AGPS: variants seen among roughly 807,000 people sequenced by gnomAD.
AGPS encodes alkyldihydroxyacetonephosphate synthase, peroxisomal.
A neutral mutation model predicts 90.7 loss-of-function variants in AGPS; 26 were observed. The ratio of observed to expected loss-of-function variants is 0.29; its 90% CI spans 0.21 to 0.40. The LOEUF (loss-of-function observed/expected upper bound fraction) is 0.40, where lower values mean the gene tolerates loss of function less well. Ranked by LOEUF, AGPS falls within the 10% of genes least tolerant of loss-of-function variation. The probability of loss-of-function intolerance (pLI) is 1.00; values close to 1 mark genes in which losing one functional copy is unlikely to be tolerated. For synonymous variants in AGPS, 294 were observed against 285.3 expected (o/e 1.03, Z -0.31); for missense variants, 540 against 816.1 (o/e 0.66, Z 4.12).
intron 16 of AGPS, among the ~76,000 whole-genome samples, chr2:177,509,281 T>G (rs1375532154): frequency 6.6e-6 from 1 of 152,218 alleles, no homozygotes; most frequent in Non-Finnish European, 1.5e-5. Flanking sequence ...AGTTGAAATG[T>G]TATTCACAAA....
At chr2:177,434,486 C>T in intron 3 of AGPS, 69 bp downstream of exon 3, 7 of 1,165,748 alleles carry the variant, frequency 6.0e-6, no homozygotes, top group Non-Finnish European at 8.8e-6. Context: ...TTTGATTTAT[C>T]TTTGTAATTC....
intron 2 of AGPS, among the ~76,000 whole-genome samples, chr2:177,422,909 CT>C (rs1685979801): frequency 7.8e-5 from 6 of 77,236 alleles, no homozygotes; most frequent in Admixed American, 3.3e-4. Context: ...TATTGAGTAT[CT>C]ACTGAGTTAC....
intron 1 of AGPS, among the ~76,000 whole-genome samples, chr2:177,394,997 T>C (rs1685132994): frequency 6.6e-6 from 1 of 152,118 alleles, no homozygotes; most frequent in Non-Finnish European, 1.5e-5. Flanking sequence ...CATAACTTGG[T>C]TACTGAGTGG....
intron 15 of AGPS, among the ~76,000 whole-genome samples, 196 bp from the exon 16 acceptor site, chr2:177,507,774 A>T (rs1243858864): frequency 6.6e-6 from 1 of 152,244 alleles, no homozygotes; most frequent in Non-Finnish European, 1.5e-5. Flanking sequence ...TAAGACAGAC[A>T]AGGTTCCTTT....
chr2:177,511,660 A>G (rs1688877470), intron 16 of AGPS, among the ~76,000 whole-genome samples: 1 of 152,202 alleles, frequency 6.6e-6, no homozygotes, highest in Non-Finnish European at 1.5e-5. Context: ...GTCAAGTGTT[A>G]AATTTGCTAA....
At chr2:177,537,263 TTA>T (rs964134460) in intron 19 of AGPS, among the ~76,000 whole-genome samples, 2 of 152,150 alleles carry the variant, frequency 1.3e-5, no homozygotes, top group Non-Finnish European at 2.9e-5. Flanking sequence ...TTACAAAAGG[TTA>T]TGTTTTTCAT....
chr2:177,423,318 A>G lies in AGPS; in HGVS notation c.350+2960A>G, dbSNP rs1685986768. Among the ~76,000 whole-genome samples, 2 of 151,070 alleles carry G rather than the reference A, an allele frequency of 1.3e-5. 1 individual carries two copies. The highest frequency in any genetic ancestry group is 3.0e-5 in the Non-Finnish European group (2 of 67,786). Reference sequence around the variant, plus strand: ...GAATTCATGACTACGAAGACTGAGTACAAGAAAACACTGTTTGGCTGAACA... The same window carrying G: ...GAATTCATGACTACGAAGACTGAGTGCAAGAAAACACTGTTTGGCTGAACA... On this transcript the variant is annotated intron_variant, in intron 2 of 19. Transcript: ENST00000264167.
In AGPS at chr2:177,538,376, A is replaced by G; in HGVS notation, c.*181A>G. The G allele has an allele frequency of 1.5e-6, 1 of 668,298 alleles. No homozygotes were observed. Among genetic ancestry groups the G allele is most frequent in the Non-Finnish European group, 2.5e-6 (1 of 402,592 alleles). 41.4% of individuals were successfully genotyped at this position (668,298 alleles called of 1,614,324 possible). A position where few individuals can be genotyped will look rare whatever the true frequency, so the allele number is the denominator to read the frequency against. Reference sequence around the variant, plus strand: ...CTACATCTATGGATTGACAGATAGTATTCCTAAATCTCTCTCATTGTAGGT... The same window carrying G: ...CTACATCTATGGATTGACAGATAGTGTTCCTAAATCTCTCTCATTGTAGGT... On this transcript the variant is annotated 3_prime_UTR_variant, in exon 20 of 20. Transcript: ENST00000264167.
At chr2:177,530,377 C>A (rs941377213) in intron 19 of AGPS, among the ~76,000 whole-genome samples, 2 of 152,102 alleles carry the variant, frequency 1.3e-5, no homozygotes, top group Non-Finnish European at 2.9e-5. Flanking sequence ...AAAGCAGAAA[C>A]CTTTTCAACA....
In AGPS at chr2:177,413,670, A is replaced by G. The variant is rs76328969; in HGVS notation, c.261-6599A>G. ...TTTTCTCTTTGTCCTTTGCTATGAC[A>G]ACCTCCTGATGCAGATTTGGATTGT... On this transcript the variant is annotated intron_variant, in intron 1 of 19. Transcript: ENST00000264167. Among the ~76,000 whole-genome samples, 56 of 152,322 alleles carry G rather than the reference A, an allele frequency of 3.7e-4. No individual in the cohort carries two copies. The East Asian group carries it at 0.01, about 28-fold the overall frequency.
intron 9 of AGPS, among the ~76,000 whole-genome samples, chr2:177,467,601 T>G (rs1687491957): frequency 6.6e-6 from 1 of 152,176 alleles, no homozygotes; most frequent in African/African-American, 2.4e-5. Flanking sequence ...TTTATGTTTT[T>G]GTATTTTGTT....
chr2:177,415,507 A>G (rs1685760772), intron 1 of AGPS, among the ~76,000 whole-genome samples: 1 of 152,234 alleles, frequency 6.6e-6, no homozygotes, highest in Non-Finnish European at 1.5e-5. Context: ...TTGATTAATA[A>G]CTTATTATAT....
At chr2:177,458,725 A>C (rs1265414863) in intron 8 of AGPS, among the ~76,000 whole-genome samples, 1 of 152,262 alleles carries the variant, frequency 6.6e-6, no homozygotes, top group Non-Finnish European at 1.5e-5. Context: ...GGAAGAATCA[A>C]TACTATGAAA....
chr2:177,503,746 A>G (rs767879553), intron 14 of AGPS, among the ~76,000 whole-genome samples: 8 of 152,184 alleles, frequency 5.3e-5, no homozygotes, highest in Non-Finnish European at 8.8e-5. Flanking sequence ...AAAGTTTCAA[A>G]AAGTTCAGTC....
At chr2:177,472,586 C>G (rs1170735062) in intron 10 of AGPS, among the ~76,000 whole-genome samples, 1 of 151,934 alleles carries the variant, frequency 6.6e-6, no homozygotes, top group Non-Finnish European at 1.5e-5. Context: ...CGTTTTCTGA[C>G]TTTTGTAGTT....
chr2:177,435,795 G>C (rs949440003), intron 3 of AGPS, among the ~76,000 whole-genome samples: 1 of 152,106 alleles, frequency 6.6e-6, no homozygotes, highest in African/African-American at 2.4e-5. Flanking sequence ...TACTTGGCCA[G>C]CCGTTTATAG....
At chr2:177,496,869 C>A (rs1688428791) in intron 12 of AGPS, among the ~76,000 whole-genome samples, 1 of 151,948 alleles carries the variant, frequency 6.6e-6, no homozygotes, top group Non-Finnish European at 1.5e-5. Context: ...ACCTTAAAGG[C>A]TTTTTTAAAA....
chr2:177,462,858 C>G (rs1684042054), intron 9 of AGPS, among the ~76,000 whole-genome samples: 1 of 152,078 alleles, frequency 6.6e-6, no homozygotes, highest in Admixed American at 6.6e-5. Flanking sequence ...ATTTTGGTAT[C>G]CTCGAAGGTC....
At chr2:177,405,417 C>T (rs1051236635) in intron 1 of AGPS, among the ~76,000 whole-genome samples, 1 of 152,354 alleles carries the variant, frequency 6.6e-6, no homozygotes, top group Non-Finnish European at 1.5e-5. Flanking sequence ...ATGATTCCTT[C>T]TCTATAATCC....
Sources: gnomAD v4.1 joint callset for allele counts (sites outside exome capture counted in the v4.1 genomes callset) on GRCh38, gnomAD v4.1.1 for gene constraint, MANE v1.5 for transcripts, NCBI Gene and HGNC (gene_info 2026-07-23, HGNC 2026-07-21) for gene names.